NUB1: variants seen among roughly 807,000 people sequenced by gnomAD.
NUB1 encodes NEDD8 ultimate buster 1.
In NUB1, 41 loss-of-function variants were observed where a neutral mutation model predicts 77.1. The ratio of observed to expected loss-of-function variants is 0.53; its 90% CI spans 0.41 to 0.69. The LOEUF is 0.69. NUB1 is among the 30% of genes least tolerant of loss of function. The pLI, the probability that NUB1 is intolerant of heterozygous loss-of-function variation, is 0.00. For synonymous variants in NUB1, 257 were observed against 281.0 expected (o/e 0.91, Z 0.85); for missense variants, 643 against 743.8 (o/e 0.86, Z 1.58).
chr7:151,373,849 C>T (rs1425826521), intron 11 of NUB1, among the ~76,000 whole-genome samples: 2 of 151,992 alleles, frequency 1.3e-5, no homozygotes, highest in Non-Finnish European at 2.9e-5. Context: ...TGGCGAGGCA[C>T]CTCCTTCCTG....
At chr7:151,376,400 T>A (rs1798251858) in intron 13 of NUB1, 1 of 531,786 alleles carries the variant, frequency 1.9e-6, no homozygotes, top group South Asian at 2.7e-5. Context: ...CAGCCCGAGG[T>A]CACTGCCTGT....
intron 2 of NUB1, among the ~76,000 whole-genome samples, chr7:151,345,963 T>C (rs569147660): frequency 1.3e-5 from 2 of 152,344 alleles, no homozygotes; most frequent in East Asian, 1.9e-4. Flanking sequence ...AGAAATGATA[T>C]TGTATGTAAG....
chr7:151,342,010 C>T (rs1796232992), intron 1 of NUB1, 164 bp downstream of exon 1: 3 of 1,249,086 alleles, frequency 2.4e-6, no homozygotes. Flanking sequence ...GGGCCGGGGC[C>T]GGGAGCGGTG....
At chr7:151,375,066 C>G (rs1798151853) in intron 12 of NUB1, among the ~76,000 whole-genome samples, 1 of 151,692 alleles carries the variant, frequency 6.6e-6, no homozygotes, top group South Asian at 2.1e-4. Flanking sequence ...GGGTGCAGGG[C>G]AGGTGTCCTC....
intron 11 of NUB1, among the ~76,000 whole-genome samples, chr7:151,373,833 C>T (rs945200183): frequency 2.0e-5 from 3 of 152,174 alleles, no homozygotes; most frequent in Non-Finnish European, 4.4e-5. Context: ...TGGTGGATGG[C>T]GGGGCTGGCG....
At chr7:151,359,042 A>G (rs1368976982) in intron 7 of NUB1, among the ~76,000 whole-genome samples, 36 of 145,098 alleles carry the variant, frequency 2.5e-4, no homozygotes, top group East Asian at 1.9e-3. Flanking sequence ...TCCAGCCTGG[A>G]AGACAGAGCG....
chr7:151,345,349 G>T lies in NUB1; in HGVS notation c.-1G>T. The T allele has an allele frequency of 6.3e-7, 1 of 1,593,320 alleles. No individual in the cohort carries two copies. Among genetic ancestry groups the T allele is most frequent in the Non-Finnish European group, 8.6e-7 (1 of 1,163,778 alleles). ...ATTAATGTATTGTTTTGCTTTCAGG[G>T]ATGGCACAAAAGAAATATCTTCAAG... On this transcript the variant is annotated splice_region_variant and 5_prime_UTR_variant, in exon 2 of 15. Transcript: ENST00000568733.
intron 7 of NUB1, among the ~76,000 whole-genome samples, chr7:151,357,862 G>A (rs1426540860): frequency 2.0e-5 from 3 of 151,798 alleles, no homozygotes; most frequent in East Asian, 1.9e-4. Flanking sequence ...CACCCACCTC[G>A]GCCTCCCAAA....
rs1454476321 is a variant in NUB1 at position 151,369,136 on chromosome 7, T to C, written c.1248+249T>C. 3.7e-5 allele frequency: 11 copies of C among 298,316 alleles called. No individual in the cohort carries two copies. In the East Asian group the frequency reaches 8.4e-4, roughly 23 times the overall value. 18.5% of individuals were successfully genotyped at this position (298,316 alleles called of 1,614,324 possible). On this transcript the variant is annotated intron_variant, in intron 11 of 14. Transcript: ENST00000568733. ...AATTCTCGTGCCTCAGCCTCCTGAGTAGCTGGGATTACAGGTGTGTGCCAC... is the reference window on the plus strand; with the variant it reads ...AATTCTCGTGCCTCAGCCTCCTGAGCAGCTGGGATTACAGGTGTGTGCCAC...
rs1796888040 is a variant in NUB1 at position 151,352,948 on chromosome 7, T to C, written c.415+66T>C. The stretch of plus-strand genomic sequence containing the variant: ...ATATAGAAATAATGACTTCCCTTTT[T>C]TTCTCAATGTCTTTTCAAAAATTTG... On this transcript the variant is annotated intron_variant, in intron 5 of 14. Transcript: ENST00000568733. 8.3e-6 allele frequency: 7 copies of C among 847,398 alleles called. No homozygotes were observed. In the Admixed American group the frequency reaches 1.1e-4, roughly 14 times the overall value. The allele number at this position is 847,398 out of a possible 1,614,324, so 52.5% of individuals were successfully genotyped here. A position where few individuals can be genotyped will look rare whatever the true frequency, so the allele number is the denominator to read the frequency against.
At chr7:151,376,919 A>T in intron 14 of NUB1, 108 bp downstream of exon 14, 5 of 1,435,264 alleles carry the variant, frequency 3.5e-6, no homozygotes, top group Non-Finnish European at 4.7e-6. Context: ...GCGTCCCCTG[A>T]CGTCACCGGG....
intron 8 of NUB1, chr7:151,360,557 A>T (rs80189987): frequency 0.01 from 2,564 of 248,602 alleles, 63 homozygotes; most frequent in African/African-American, 0.052. Context: ...GTTTTGGGGT[A>T]GTATTGATGA....
At chr7:151,370,395 T>C (rs1797900657) in intron 11 of NUB1, among the ~76,000 whole-genome samples, 3 of 152,184 alleles carry the variant, frequency 2.0e-5, no homozygotes, top group South Asian at 2.1e-4. Context: ...AGCTGAAAAG[T>C]TGAGTTCTGT....
intron 11 of NUB1, among the ~76,000 whole-genome samples, chr7:151,369,458 C>T (rs1319570771): frequency 6.6e-6 from 1 of 152,174 alleles, no homozygotes; most frequent in Non-Finnish European, 1.5e-5. Context: ...ATTGTTTTTT[C>T]ATGAGGTCAT....
At chr7:151,349,876 G>C (rs1796702464) in intron 3 of NUB1, among the ~76,000 whole-genome samples, 1 of 152,228 alleles carries the variant, frequency 6.6e-6, no homozygotes, top group Non-Finnish European at 1.5e-5. Flanking sequence ...AGAAAAGACA[G>C]TTGGGCCCGG....
At chr7:151,357,688 C>A (rs1797149172) in intron 7 of NUB1, among the ~76,000 whole-genome samples, 1 of 151,322 alleles carries the variant, frequency 6.6e-6, no homozygotes, top group Non-Finnish European at 1.5e-5. Flanking sequence ...CAGCTCACTG[C>A]AGCCTTCGCC....
At chr7:151,350,546 ATC>A (rs1363668106) in intron 3 of NUB1, among the ~76,000 whole-genome samples, 1 of 152,250 alleles carries the variant, frequency 6.6e-6, no homozygotes, top group Non-Finnish European at 1.5e-5. Context: ...TTCAGCTCCT[ATC>A]TCTGTGTGGC....
At chr7:151,353,996 C>T (rs1043240807) in intron 5 of NUB1, among the ~76,000 whole-genome samples, 3 of 152,186 alleles carry the variant, frequency 2.0e-5, no homozygotes, top group Non-Finnish European at 4.4e-5. Flanking sequence ...GTCATCAAAT[C>T]CATTGCCTAT....
At position 151,344,180 on chromosome 7, in the gene NUB1, C is replaced by CAAAA. The variant is rs561127147; in HGVS notation, c.-2-1138_-2-1135dup. On this transcript the variant is annotated intron_variant, in intron 1 of 14. Coordinates refer to ENST00000568733, the MANE Select transcript of NUB1 (RefSeq NM_001243351.2). ...TGGGCGACAGAGTGAGACTCCCTCT[C>CAAAA]AAAAAAAAAAAAAAAAAAAAAAAAA... 8.7e-3 allele frequency among the ~76,000 whole-genome samples: 395 copies of CAAAA among 45,628 alleles called. 41 individuals are homozygous for CAAAA. The highest frequency in any genetic ancestry group is 0.011 in the African/African-American group (178 of 16,676). The allele number at this position is 45,628 out of a possible 152,430, so 29.9% of individuals were successfully genotyped here.
Sources: gnomAD v4.1 joint callset for allele counts (sites outside exome capture counted in the v4.1 genomes callset) on GRCh38, gnomAD v4.1.1 for gene constraint, MANE v1.5 for transcripts, NCBI Gene and HGNC (gene_info 2026-07-23, HGNC 2026-07-21) for gene names.